ZNF790: variants seen among roughly 807,000 people sequenced by gnomAD.
ZNF790 encodes the protein zinc finger protein 790.
In ZNF790, 8 loss-of-function variants were observed where a neutral mutation model predicts 12.1. That is an observed-to-expected ratio of 0.66 (90% CI 0.39 to 1.19). The LOEUF (loss-of-function observed/expected upper bound fraction) is 1.19, where lower values mean the gene tolerates loss of function less well. ZNF790 is among the 50% of genes most tolerant of loss of function. The pLI is 0.01. For missense variants in ZNF790, 707 were observed against 752.2 expected (o/e 0.94, Z 0.70); for synonymous variants, 252 against 244.3 (o/e 1.03, Z -0.29).
intron 1 of ZNF790, among the ~76,000 whole-genome samples, chr19:36,826,142 TTTCCC>T (rs2071791682): frequency 6.6e-6 from 1 of 152,312 alleles, no homozygotes; most frequent in East Asian, 1.9e-4. Flanking sequence ...GAGCTGGGCC[TTTCCC>T]TTATAGGAGC....
intron 1 of ZNF790, among the ~76,000 whole-genome samples, chr19:36,832,975 T>TAAAAAAAAAAAAAA (rs763094890): frequency 7.4e-6 from 1 of 134,680 alleles, no homozygotes; most frequent in African/African-American, 2.8e-5. Flanking sequence ...AGACCTTCTC[T>TAAAAAAAAAAAAAA]AAAAAAAAAA....
At chr19:36,827,139 C>CATATATAT (rs1292370504) in intron 1 of ZNF790, among the ~76,000 whole-genome samples, 733 of 70,158 alleles carry the variant, frequency 0.01, 24 homozygotes, top group African/African-American at 0.042. Context: ...CACACACACA[C>CATATATAT]ACATATATAT....
At chr19:36,840,514 T>C (rs11882245), upstream of ZNF790, among the ~76,000 whole-genome samples, 4,251 of 152,242 alleles carry the variant, frequency 0.028, 198 homozygotes, top group African/African-American at 0.095. Flanking sequence ...TATGTTTTTA[T>C]TGGGGGCTGG....
intron 1 of ZNF790, among the ~76,000 whole-genome samples, chr19:36,826,071 C>T (rs1417991367): frequency 2.0e-5 from 3 of 152,302 alleles, no homozygotes; most frequent in East Asian, 1.9e-4. Flanking sequence ...AAGCTTGTTA[C>T]TTTGAATACT....
intron 1 of ZNF790, among the ~76,000 whole-genome samples, chr19:36,831,179 T>TAA (rs1189358838): frequency 4.0e-5 from 6 of 151,684 alleles, no homozygotes; most frequent in Non-Finnish European, 8.8e-5. Context: ...CACAAAGTTT[T>TAA]AAAAGTGTGT....
At chr19:36,849,526 T>G (rs984501247) in intron 1 of ZNF790, among the ~76,000 whole-genome samples, 5 of 152,086 alleles carry the variant, frequency 3.3e-5, no homozygotes, top group South Asian at 2.1e-4. Flanking sequence ...TTTAAACTAC[T>G]TGGAGTACTC....
intron 4 of ZNF790, among the ~76,000 whole-genome samples, chr19:36,822,890 G>T (rs1007671244): frequency 2.0e-5 from 3 of 150,928 alleles, no homozygotes; most frequent in African/African-American, 7.3e-5. Flanking sequence ...TCACTCTGTC[G>T]ACCAGACTGC....
chr19:36,826,325 C>T (rs1328143212), intron 1 of ZNF790, among the ~76,000 whole-genome samples: 1 of 152,036 alleles, frequency 6.6e-6, no homozygotes, highest in Non-Finnish European at 1.5e-5. Context: ...GTGGCTCTCG[C>T]CTGTAATCCC....
chr19:36,820,890 G>GTGTTTTTTTTTTTTTTT (rs1359068627), intron 4 of ZNF790, among the ~76,000 whole-genome samples: 3 of 111,298 alleles, frequency 2.7e-5, no homozygotes, highest in Non-Finnish European at 1.9e-5. Context: ...GTGAGACCCT[G>GTGTTTTTTTTTTTTTTT]TCTTTTTTTT....
intron 1 of ZNF790, among the ~76,000 whole-genome samples, chr19:36,834,655 T>G (rs912819903): frequency 6.6e-6 from 1 of 152,190 alleles, no homozygotes; most frequent in African/African-American, 2.4e-5. Context: ...ACTGACAGTA[T>G]CTGCTTGAGG....
At chr19:36,832,469 A>T (rs2071961464) in intron 1 of ZNF790, among the ~76,000 whole-genome samples, 1 of 152,200 alleles carries the variant, frequency 6.6e-6, no homozygotes, top group African/African-American at 2.4e-5. Context: ...GCTCTGGAGA[A>T]AACCAGTTGA....
intron 2 of ZNF790, 89 bp downstream of exon 2, chr19:36,825,522 G>C: frequency 1.5e-6 from 2 of 1,300,046 alleles, no homozygotes; most frequent in South Asian, 2.4e-5. Flanking sequence ...TAGTGATTCA[G>C]GTAAGCAGTT....
intron 2 of ZNF790, among the ~76,000 whole-genome samples, chr19:36,824,068 A>C (rs62114323): frequency 3.3e-4 from 45 of 135,720 alleles, no homozygotes; most frequent in African/African-American, 1.1e-3. Context: ...GCAATCTCTG[A>C]TCACTGCAAG....
intron 1 of ZNF790, among the ~76,000 whole-genome samples, chr19:36,847,422 T>C (rs1186764407): frequency 1.3e-5 from 2 of 152,108 alleles, no homozygotes; most frequent in Non-Finnish European, 2.9e-5. Context: ...TCTGAATGTG[T>C]TCCCCAAAAT....
chr19:36,822,517 G>GT (rs869152990), intron 4 of ZNF790, among the ~76,000 whole-genome samples: 2 of 118,578 alleles, frequency 1.7e-5, no homozygotes, highest in Non-Finnish European at 3.6e-5. Flanking sequence ...TTATTAAAGT[G>GT]TTTTTTGTTT....
upstream of ZNF790, among the ~76,000 whole-genome samples, chr19:36,841,863 G>C (rs1489099535): frequency 8.6e-6 from 1 of 115,998 alleles, no homozygotes; most frequent in East Asian, 3.1e-4. Context: ...TGGGGGGTGG[G>C]GGGAGGGGAG....
At chr19:36,837,032 T>C (rs766584362) in intron 1 of ZNF790, among the ~76,000 whole-genome samples, 3 of 152,122 alleles carry the variant, frequency 2.0e-5, no homozygotes, top group Admixed American at 6.6e-5. Context: ...AAATCATCTT[T>C]CACTATCCCA....
At chr19:36,845,047 C>CAAAAAA (rs10611049) in intron 1 of ZNF790, among the ~76,000 whole-genome samples, 4 of 34,908 alleles carry the variant, frequency 1.1e-4, no homozygotes, top group African/African-American at 1.9e-4. Flanking sequence ...GACTCCGTCT[C>CAAAAAA]AAAAAAAAAA....
chr19:36,848,592 C>T (rs1438472349), intron 1 of ZNF790, among the ~76,000 whole-genome samples: 2 of 152,102 alleles, frequency 1.3e-5, no homozygotes, highest in African/African-American at 2.4e-5. Flanking sequence ...AGGTATAGAT[C>T]GCTTGCCTGT....
Sources: allele counts gnomAD v4.1 joint callset (sites outside exome capture counted in the v4.1 genomes callset), GRCh38; gene constraint gnomAD v4.1.1; transcripts MANE v1.5; gene names NCBI Gene and HGNC (gene_info 2026-07-23, HGNC 2026-07-21).